The following MIB1 variants were observed in gnomAD, a reference collection of about 807,000 sequenced individuals.
The protein encoded by MIB1 is E3 ubiquitin-protein ligase MIB1.
MIB1 carries 278 observed loss-of-function variants against 124.5 expected under a neutral mutation model. The observed-to-expected ratio is 2.23, with a 90% CI of 2.02 to 2.47. The LOEUF (loss-of-function observed/expected upper bound fraction) is 2.47. Among genes scored for constraint, MIB1 ranks in the 30% most tolerant of loss-of-function variants. MIB1 has a pLI of 0.00. For synonymous variants in MIB1, 446 were observed against 429.4 expected (o/e 1.04, Z -0.48); for missense variants, 957 against 1,254.4 (o/e 0.76, Z 3.58).
upstream of MIB1, among the ~76,000 whole-genome samples, chr18:21,738,815 A>G: frequency 6.6e-5 from 1 of 15,106 alleles, no homozygotes; most frequent in African/African-American, 6.3e-4. Context: ...TCAAAAAAAA[A>G]AAAAAAAAAA....
chr18:21,832,705 A>G (rs1051105227), intron 12 of MIB1, among the ~76,000 whole-genome samples: 3 of 152,196 alleles, frequency 2.0e-5, no homozygotes, highest in Non-Finnish European at 4.4e-5. Flanking sequence ...ATAGCAGTTT[A>G]ATTATTTTGA....
At chr18:21,768,927 C>T (rs578220802) in intron 3 of MIB1, among the ~76,000 whole-genome samples, 175 bp downstream of exon 3, 1 of 152,208 alleles carries the variant, frequency 6.6e-6, no homozygotes, top group African/African-American at 2.4e-5. Flanking sequence ...TTTTTGTAAG[C>T]ATTGATGTTC....
chr18:21,806,572 A>G (rs1251391591), intron 10 of MIB1, among the ~76,000 whole-genome samples: 1 of 151,634 alleles, frequency 6.6e-6, no homozygotes, highest in South Asian at 2.1e-4. Flanking sequence ...GTATGATGGG[A>G]GTTGAAGTGA....
chr18:21,807,152 C>G (rs1315898639), intron 10 of MIB1, among the ~76,000 whole-genome samples: 7 of 152,114 alleles, frequency 4.6e-5, no homozygotes, highest in Admixed American at 3.9e-4. Flanking sequence ...AAATATCGGC[C>G]AAATGCACTG....
intron 7 of MIB1, among the ~76,000 whole-genome samples, chr18:21,796,762 A>G (rs1339567446): frequency 6.6e-6 from 1 of 152,136 alleles, no homozygotes; most frequent in Admixed American, 6.6e-5. Flanking sequence ...GGTGAACAAA[A>G]TGAGCCTCGT....
At chr18:21,712,727 C>T (rs2040671126) in intron 1 of MIB1, among the ~76,000 whole-genome samples, 1 of 152,166 alleles carries the variant, frequency 6.6e-6, no homozygotes, top group Admixed American at 6.5e-5. Flanking sequence ...GCCTTGTGAG[C>T]CCCTGATCAG....
intron 8 of MIB1, among the ~76,000 whole-genome samples, chr18:21,798,887 A>C (rs573331120): frequency 3.3e-4 from 50 of 152,256 alleles, no homozygotes; most frequent in African/African-American, 1.2e-3. Flanking sequence ...AACTATAAAT[A>C]GTAAGAAACA....
intron 3 of MIB1, among the ~76,000 whole-genome samples, chr18:21,772,544 G>A (rs2041234507): frequency 6.6e-6 from 1 of 152,180 alleles, no homozygotes; most frequent in Non-Finnish European, 1.5e-5. Flanking sequence ...GATTTGGGAT[G>A]CTCTAAGTAC....
At chr18:21,758,756 A>G (rs1013382164) in intron 1 of MIB1, among the ~76,000 whole-genome samples, 2 of 152,086 alleles carry the variant, frequency 1.3e-5, no homozygotes, top group African/African-American at 4.8e-5. Flanking sequence ...ACTGGTCTTG[A>G]ACGCCTGACC....
chr18:21,800,055 T>G, intron 9 of MIB1, 81 bp downstream of exon 9: 2 of 1,158,970 alleles, frequency 1.7e-6, no homozygotes, highest in Non-Finnish European at 2.4e-6. Flanking sequence ...TTACTAAGAT[T>G]TTGCCAGATG....
rs564374657 is a variant in MIB1, at chr18:21,722,440, A to G, written n.167+17317A>G. On this transcript the variant is annotated intron_variant and non_coding_transcript_variant, in intron 1 of 20. Coordinates refer to the MIB1 transcript ENST00000578646. ...GGCTGGAGTGCAGTGGCAGGATCTC[A>G]GCTCACTGCAACCTCCACCTCCTGG... 6.7e-4 allele frequency among the ~76,000 whole-genome samples: 102 copies of G among 151,784 alleles called. 1 individual carries two copies. The South Asian group carries it at 0.02, about 30-fold the overall frequency.
chr18:21,712,142 C>A, intron 1 of MIB1: 1 of 158,714 alleles, frequency 6.3e-6, no homozygotes, highest in Non-Finnish European at 1.4e-5. Flanking sequence ...AAATCCTGAT[C>A]AAGTCTGTAC....
intron 8 of MIB1, among the ~76,000 whole-genome samples, chr18:21,799,505 G>C (rs2041625815): frequency 6.6e-6 from 1 of 152,010 alleles, no homozygotes; most frequent in Non-Finnish European, 1.5e-5. Context: ...CTGAAAGGAA[G>C]TTTGTATCAT....
At chr18:21,783,244 C>G (rs1481338272) in intron 6 of MIB1, among the ~76,000 whole-genome samples, 6 of 143,182 alleles carry the variant, frequency 4.2e-5, no homozygotes, top group Non-Finnish European at 9.2e-5. Flanking sequence ...CACTCTATGC[C>G]TTTTTTTTTT....
chr18:21,728,290 C>T (rs932138470), intron 1 of MIB1, among the ~76,000 whole-genome samples: 43 of 152,226 alleles, frequency 2.8e-4, no homozygotes, highest in African/African-American at 7.7e-4. Context: ...GTCAGAAGTT[C>T]GAGACCAGCC....
intron 7 of MIB1, chr18:21,793,852 T>C (rs961795752): frequency 5.9e-5 from 8 of 135,410 alleles, no homozygotes; most frequent in African/African-American, 2.2e-4. Flanking sequence ...TGATGAAAAC[T>C]GTACTTTTAT....
intron 1 of MIB1, among the ~76,000 whole-genome samples, chr18:21,752,860 TA>T (rs775456323): frequency 1.4e-4 from 21 of 152,184 alleles, no homozygotes; most frequent in Non-Finnish European, 1.5e-4. Flanking sequence ...TATTGTTTAT[TA>T]AAAATAATAA....
At chr18:21,863,233 C>T (rs913979806) in intron 20 of MIB1, among the ~76,000 whole-genome samples, 5 of 152,198 alleles carry the variant, frequency 3.3e-5, no homozygotes, top group Non-Finnish European at 7.3e-5. Flanking sequence ...TTAGTTCTGC[C>T]GTCCACGGAC....
chr18:21,799,447 A>G (rs913898209), intron 8 of MIB1, among the ~76,000 whole-genome samples: 4 of 152,006 alleles, frequency 2.6e-5, no homozygotes, highest in Non-Finnish European at 5.9e-5. Flanking sequence ...GAATTATTTT[A>G]AAGTCTGTAG....
Sources: gnomAD v4.1 joint callset for allele counts (sites outside exome capture counted in the v4.1 genomes callset) on GRCh38, gnomAD v4.1.1 for gene constraint, MANE v1.5 for transcripts, NCBI Gene and HGNC (gene_info 2026-07-23, HGNC 2026-07-21) for gene names.